Variants in ZFPM2 observed in about 807,000 individuals in gnomAD.
ZFPM2 encodes the protein zinc finger protein ZFPM2.
A neutral mutation model predicts 98.6 loss-of-function variants in ZFPM2; 20 were observed. That is an observed-to-expected ratio of 0.20 (90% CI 0.14 to 0.29). The LOEUF is 0.29. Among genes scored for constraint, ZFPM2 ranks in the 10% least tolerant of loss-of-function variants. The pLI is 1.00. For missense variants in ZFPM2, 1,310 were observed against 1,388.6 expected (o/e 0.94, Z 0.90); for synonymous variants, 518 against 502.7 (o/e 1.03, Z -0.41).
intron 3 of ZFPM2, among the ~76,000 whole-genome samples, chr8:105,521,283 G>GA (rs1360117025): frequency 6.6e-6 from 1 of 151,322 alleles, no homozygotes; most frequent in African/African-American, 2.4e-5. Flanking sequence ...AAAGTAAATA[G>GA]AACTGTACTC....
chr8:105,423,689 A>G (rs1811848132), intron 2 of ZFPM2, among the ~76,000 whole-genome samples: 1 of 152,188 alleles, frequency 6.6e-6, no homozygotes, highest in Non-Finnish European at 1.5e-5. Flanking sequence ...GAAGTACATC[A>G]GTATATTTGT....
At chr8:105,656,307 G>C (rs1227925878) in intron 5 of ZFPM2, among the ~76,000 whole-genome samples, 2 of 152,076 alleles carry the variant, frequency 1.3e-5, no homozygotes, top group Non-Finnish European at 2.9e-5. Flanking sequence ...GAATTTTTTA[G>C]TGAAAAATTA....
At chr8:105,431,708 GTT>G (rs1812023170) in intron 2 of ZFPM2, among the ~76,000 whole-genome samples, 1 of 152,030 alleles carries the variant, frequency 6.6e-6, no homozygotes, top group South Asian at 2.1e-4. Context: ...GAGTCCAGGA[GTT>G]TGACACCAGG....
chr8:105,668,058 AT>A (rs1423303310), intron 5 of ZFPM2, among the ~76,000 whole-genome samples: 1 of 152,140 alleles, frequency 6.6e-6, no homozygotes, highest in Non-Finnish European at 1.5e-5. Flanking sequence ...ACTGAGACAA[AT>A]CCCATAGGAG....
intron 5 of ZFPM2, among the ~76,000 whole-genome samples, chr8:105,762,893 A>G (rs971448262): frequency 6.6e-6 from 1 of 151,932 alleles, no homozygotes; most frequent in Non-Finnish European, 1.5e-5. Flanking sequence ...CTTTATTGGT[A>G]AAACTAGTAT....
intron 3 of ZFPM2, chr8:105,529,008 C>T (rs1814234880): frequency 6.6e-6 from 1 of 152,112 alleles, no homozygotes. Context: ...CTAGAGCTTC[C>T]ATAACAAGCC....
chr8:105,453,170 C>A (rs1812520905), intron 3 of ZFPM2, among the ~76,000 whole-genome samples: 1 of 152,186 alleles, frequency 6.6e-6, no homozygotes, highest in Non-Finnish European at 1.5e-5. Flanking sequence ...ATGTTTTCAA[C>A]TACATATTTA....
intron 5 of ZFPM2, among the ~76,000 whole-genome samples, chr8:105,741,632 A>G (rs566911465): frequency 6.6e-6 from 1 of 152,200 alleles, no homozygotes; most frequent in South Asian, 2.1e-4. Context: ...TTTGATTGCT[A>G]CAATTTTCTT....
At chr8:105,754,314 A>T (rs1216550718) in intron 5 of ZFPM2, among the ~76,000 whole-genome samples, 1 of 152,184 alleles carries the variant, frequency 6.6e-6, no homozygotes, top group Non-Finnish European at 1.5e-5. Context: ...CAAATATTCA[A>T]CTATAAGTCT....
chr8:105,565,992 G>A (rs1345958553), intron 4 of ZFPM2, among the ~76,000 whole-genome samples: 1 of 152,184 alleles, frequency 6.6e-6, no homozygotes, highest in African/African-American at 2.4e-5. Flanking sequence ...ACCCGGGAGA[G>A]CCAGTGGTGC....
chr8:105,410,543 A>G (rs562517069), intron 1 of ZFPM2, among the ~76,000 whole-genome samples: 1 of 152,022 alleles, frequency 6.6e-6, no homozygotes, highest in South Asian at 2.1e-4. Flanking sequence ...CTATATTTAA[A>G]AATAACTTAG....
At chr8:105,412,452 G>T (rs1323586691) in intron 1 of ZFPM2, among the ~76,000 whole-genome samples, 1 of 151,362 alleles carries the variant, frequency 6.6e-6, no homozygotes, top group Non-Finnish European at 1.5e-5. Flanking sequence ...TTATATATAA[G>T]AAATAACATA....
At chr8:105,391,004 A>T (rs1811095895) in intron 1 of ZFPM2, among the ~76,000 whole-genome samples, 1 of 152,190 alleles carries the variant, frequency 6.6e-6, no homozygotes, top group Admixed American at 6.5e-5. Context: ...TCAGAATTAT[A>T]TACTGAGAGT....
At chr8:105,464,341 A>G (rs1250808884) in intron 3 of ZFPM2, among the ~76,000 whole-genome samples, 3 of 152,092 alleles carry the variant, frequency 2.0e-5, no homozygotes, top group Non-Finnish European at 2.9e-5. Context: ...CATTATTTTA[A>G]TAAAAACCTC....
At chr8:105,630,748 A>G (rs1320717537) in intron 4 of ZFPM2, among the ~76,000 whole-genome samples, 2 of 152,178 alleles carry the variant, frequency 1.3e-5, no homozygotes, top group African/African-American at 2.4e-5. Context: ...AAATGTTAGT[A>G]CCTAACTTCT....
intron 3 of ZFPM2, among the ~76,000 whole-genome samples, chr8:105,543,468 A>AG (rs1477982780): frequency 6.6e-6 from 1 of 152,198 alleles, no homozygotes; most frequent in Admixed American, 6.5e-5. Flanking sequence ...TTAGTATCCC[A>AG]GGGGAATTTA....
At chr8:105,370,173 C>T (rs1237514668) in intron 1 of ZFPM2, among the ~76,000 whole-genome samples, 1 of 151,970 alleles carries the variant, frequency 6.6e-6, no homozygotes, top group African/African-American at 2.4e-5. Flanking sequence ...GCAAAACTGG[C>T]ATAGCATCAT....
intron 7 of ZFPM2, 105 bp downstream of exon 7, chr8:105,799,053 C>T (rs1813922475): frequency 9.4e-7 from 1 of 1,063,152 alleles, no homozygotes; most frequent in Non-Finnish European, 1.3e-6. Flanking sequence ...CTGTAGCTAT[C>T]TATAACATCA....
chr8:105,394,749 G>C (rs1191044835), intron 1 of ZFPM2, among the ~76,000 whole-genome samples: 2 of 152,176 alleles, frequency 1.3e-5, no homozygotes, highest in African/African-American at 4.8e-5. Flanking sequence ...TGAAGAACAT[G>C]CCTTTTCCAC....
Sources: gnomAD v4.1 joint callset for allele counts (sites outside exome capture counted in the v4.1 genomes callset) on GRCh38, gnomAD v4.1.1 for gene constraint, MANE v1.5 for transcripts, NCBI Gene and HGNC (gene_info 2026-07-23, HGNC 2026-07-21) for gene names.